FRAS1: variants seen among roughly 807,000 people sequenced by gnomAD.
FRAS1 encodes the protein extracellular matrix organizing protein FRAS1.
FRAS1 carries 290 observed loss-of-function variants against 435.2 expected under a neutral mutation model. That is an observed-to-expected ratio of 0.67 (90% CI 0.61 to 0.73). The LOEUF (loss-of-function observed/expected upper bound fraction) is 0.73. Ranked by LOEUF, FRAS1 falls within the 30% of genes least tolerant of loss-of-function variation. The pLI is 0.00. For missense variants in FRAS1, 4,860 were observed against 5,001.5 expected, an observed-to-expected ratio of 0.97 and a Z score of 0.85; for synonymous variants, 1,800 against 1,851.0, an observed-to-expected ratio of 0.97 and a Z score of 0.71.
chr4:78,120,593 G>A (rs1163171510), intron 2 of FRAS1, among the ~76,000 whole-genome samples: 1 of 152,142 alleles, frequency 6.6e-6, no homozygotes, highest in African/African-American at 2.4e-5. Context: ...GGGCCTGTGT[G>A]CAAAACCACA....
At chr4:78,363,887 G>GTGTCTC (rs1731171006) in intron 21 of FRAS1, 21 bp from the exon 22 acceptor site, 1 of 1,597,418 alleles carries the variant, frequency 6.3e-7, no homozygotes, top group African/African-American at 1.3e-5. Context: ...GGTTTCTGTT[G>GTGTCTC]TGTCTCTTTT....
chr4:78,065,892 A>G (rs868759801), intron 1 of FRAS1, 93 bp from the exon 2 acceptor site: 3 of 885,404 alleles, frequency 3.4e-6, no homozygotes, highest in Middle Eastern at 4.3e-4. Flanking sequence ...GTTATGATGC[A>G]TATAGATGCA....
At chr4:78,539,913 A>G (rs1389124824) in intron 73 of FRAS1, among the ~76,000 whole-genome samples, 1 of 152,236 alleles carries the variant, frequency 6.6e-6, no homozygotes, top group Non-Finnish European at 1.5e-5. Context: ...TTGTCTCTAA[A>G]TATTAATCTA....
At chr4:78,324,057 A>C (rs995852562) in intron 18 of FRAS1, among the ~76,000 whole-genome samples, 2 of 152,202 alleles carry the variant, frequency 1.3e-5, no homozygotes, top group African/African-American at 4.8e-5. Context: ...CTTCTAATCA[A>C]AGAAGAAGCA....
intron 14 of FRAS1, among the ~76,000 whole-genome samples, chr4:78,295,698 T>A (rs539128915): frequency 6.6e-6 from 1 of 152,274 alleles, no homozygotes; most frequent in Admixed American, 6.5e-5. Context: ...TGTGTACTTT[T>A]TGTATGTATA....
intron 63 of FRAS1, 23 bp from the exon 64 acceptor site, chr4:78,511,251 A>T: frequency 6.5e-7 from 1 of 1,544,952 alleles, no homozygotes; most frequent in Non-Finnish European, 8.8e-7. Flanking sequence ...CTCACATTGG[A>T]GGTGATTTTT....
rs76333019 is a variant in FRAS1, at chr4:78,131,926, G to A, written c.108+65910G>A. Among the ~76,000 whole-genome samples the A allele has an allele frequency of 5.4e-3, 823 of 152,336 alleles. 6 individuals are homozygous for A. The highest frequency in any genetic ancestry group is 0.019 in the African/African-American group (782 of 41,574). ...AGCGTCTGCATGGATTTAAGTAGTTGCTGATAAGTAGGTACCTGGGACCAT... is the reference window on the plus strand; with the variant it reads ...AGCGTCTGCATGGATTTAAGTAGTTACTGATAAGTAGGTACCTGGGACCAT... On this transcript the variant is annotated intron_variant, in intron 2 of 73. Coordinates refer to ENST00000512123, the MANE Select transcript of FRAS1 (RefSeq NM_025074.7).
intron 63 of FRAS1, among the ~76,000 whole-genome samples, chr4:78,510,195 G>T (rs1461994471): frequency 6.6e-6 from 1 of 152,164 alleles, no homozygotes; most frequent in Non-Finnish European, 1.5e-5. Flanking sequence ...CTGTAAAGGA[G>T]GTGTGGTCTG....
At chr4:78,403,483 A>T (rs1385623957) in intron 30 of FRAS1, among the ~76,000 whole-genome samples, 6 of 152,198 alleles carry the variant, frequency 3.9e-5, no homozygotes, top group Non-Finnish European at 1.5e-5. Flanking sequence ...CTAAAAGTCC[A>T]CTTAGCACAA....
chr4:78,478,194 G>C, intron 55 of FRAS1, 133 bp downstream of exon 55: 2 of 1,011,616 alleles, frequency 2.0e-6, no homozygotes, highest in Non-Finnish European at 2.8e-6. Flanking sequence ...AACTCATTTG[G>C]TTCCCACAAC....
intron 2 of FRAS1, among the ~76,000 whole-genome samples, chr4:78,066,342 T>G (rs1333259006): frequency 6.6e-6 from 1 of 152,158 alleles, no homozygotes; most frequent in East Asian, 1.9e-4. Context: ...TGAAACACAA[T>G]TTTTTAACTT....
chr4:78,370,257 A>G (rs2110305077), intron 23 of FRAS1, among the ~76,000 whole-genome samples: 1 of 152,372 alleles, frequency 6.6e-6, no homozygotes, highest in Middle Eastern at 3.4e-3. Flanking sequence ...CTCAGGTTAT[A>G]TATGGCCCAT....
At chr4:78,195,575 C>T (rs1161754077) in intron 2 of FRAS1, among the ~76,000 whole-genome samples, 7 of 152,284 alleles carry the variant, frequency 4.6e-5, no homozygotes, top group Admixed American at 3.9e-4. Context: ...TCGAGCCAGG[C>T]GTGGGATATA....
At chr4:78,356,884 G>T (rs996438764) in intron 20 of FRAS1, among the ~76,000 whole-genome samples, 9 of 151,742 alleles carry the variant, frequency 5.9e-5, no homozygotes, top group African/African-American at 2.4e-5. Context: ...ACACACACAC[G>T]CATACACACA....
rs186084708 is a variant in FRAS1 at position 78,423,144 on chromosome 4, T to A, written c.4678+1144T>A. 3.0e-3 allele frequency among the ~76,000 whole-genome samples: 460 copies of A among 152,192 alleles called. 1 individual carries two copies. The highest frequency in any genetic ancestry group is 0.011 in the African/African-American group (448 of 41,546). On this transcript the variant is annotated intron_variant, in intron 34 of 73. Transcript: ENST00000512123. ...TATGCCTTTGACTATTCCAAAAATA[T>A]TAGTGCCTATTTCTTTCTTTTCTTT...
intron 17 of FRAS1, 46 bp from the exon 18 acceptor site, chr4:78,318,764 A>G (rs780548968): frequency 6.0e-6 from 9 of 1,508,490 alleles, no homozygotes; most frequent in South Asian, 2.8e-5. Flanking sequence ...TTTGCAACAT[A>G]TATTTGATCC....
At chr4:78,142,770 C>G (rs1473986407) in intron 2 of FRAS1, among the ~76,000 whole-genome samples, 2 of 152,086 alleles carry the variant, frequency 1.3e-5, no homozygotes, top group Non-Finnish European at 2.9e-5. Context: ...ATGTTCCATG[C>G]ATTGTCTAAG....
intron 20 of FRAS1, among the ~76,000 whole-genome samples, chr4:78,345,870 A>ATAC (rs1730587653): frequency 2.0e-5 from 3 of 152,178 alleles, no homozygotes; most frequent in Non-Finnish European, 4.4e-5. Context: ...AAATTAAAAA[A>ATAC]AAAAAAAAAA....
chr4:78,231,494 G>A (rs1310845581), intron 2 of FRAS1, among the ~76,000 whole-genome samples: 2 of 151,642 alleles, frequency 1.3e-5, no homozygotes, highest in East Asian at 3.9e-4. Flanking sequence ...ATACTGTTTT[G>A]TAACTTGAAA....
Sources: gnomAD v4.1 joint callset for allele counts (sites outside exome capture counted in the v4.1 genomes callset) on GRCh38, gnomAD v4.1.1 for gene constraint, MANE v1.5 for transcripts, NCBI Gene and HGNC (gene_info 2026-07-23, HGNC 2026-07-21) for gene names.